Variants in CFAP92 observed in about 807,000 individuals in gnomAD.
CFAP92 encodes the protein cilia and flagella associated protein 92 (putative), also known as uncharacterized protein CFAP92.
A neutral mutation model predicts 106.3 loss-of-function variants in CFAP92; 86 were observed. The observed-to-expected ratio is 0.81, with a 90% confidence interval of 0.68 to 0.97. The LOEUF is 0.97. CFAP92 is among the 50% of genes least tolerant of loss of function. The pLI is 0.00. For missense variants in CFAP92, 1,204 were observed against 1,283.8 expected (o/e 0.94, Z 0.95); for synonymous variants, 477 against 506.4 (o/e 0.94, Z 0.78).
At position 128,915,476 on chromosome 3, in the gene CFAP92, G is replaced by T; in HGVS notation, c.3004C>A (p.Gln1002Lys). The T allele has an allele frequency of 6.5e-7, 1 of 1,536,082 alleles. No individual in the cohort carries two copies. ...AGCCAGGCCTGGCGGGATTTCTTCT[G>T]GGCTTTCTTCTCCTCTTCCTTCAAG... Reference protein sequence around the residue: ...LDLKEEEKKAQKKSRQAWLTA... With the variant: ...LDLKEEEKKAKKKSRQAWLTA... The change falls in exon 14 of 16, where the codon CAG becomes AAG. Residue 1002 changes from glutamine to lysine, a missense_variant. Transcript: ENST00000645291.
intron 7 of CFAP92, among the ~76,000 whole-genome samples, 172 bp from the exon 8 acceptor site, chr3:128,971,605 T>C (rs1942799649): frequency 6.6e-6 from 1 of 152,142 alleles, no homozygotes; most frequent in Admixed American, 6.5e-5. Flanking sequence ...TGGCTAAATA[T>C]AGATGGCAGG....
intron 1 of CFAP92, among the ~76,000 whole-genome samples, chr3:128,999,795 G>A (rs560259230): frequency 1.7e-4 from 26 of 151,972 alleles, no homozygotes; most frequent in African/African-American, 5.1e-4. Context: ...CACCCGCCTC[G>A]GCCTCCCAAA....
intron 15 of CFAP92, among the ~76,000 whole-genome samples, chr3:128,911,223 A>AT (rs1936272311): frequency 6.6e-6 from 1 of 151,762 alleles, no homozygotes; most frequent in African/African-American, 2.4e-5. Context: ...CGCCCGGCTA[A>AT]TTTTTTGTAT....
At chr3:129,003,942 G>A, upstream of CFAP92, 2 of 1,404,794 alleles carry the variant, frequency 1.4e-6, no homozygotes, top group Non-Finnish European at 1.8e-6. Context: ...GCCGAGGTGC[G>A]GCGGCGCGCG....
rs1002651953 is a variant in CFAP92, at chr3:128,915,177, G to T, written c.3222C>A (p.Tyr1074Ter). 2.0e-6 allele frequency: 3 copies of T among 1,536,056 alleles called. No homozygotes were observed. Among genetic ancestry groups the T allele is most frequent in the Non-Finnish European group, 2.6e-6 (3 of 1,146,940 alleles). ...GCTCGAGGAAAGGTGGTGGTTTCTT[G>T]TACAGATCAAAGTCCACGTGGTGCC... is the stretch of plus-strand genomic sequence containing the variant. ...WDRHHVDFDL[Y>*]KKPPPFLELL... Residue 1074 changes from tyrosine (Y) to a stop codon, truncating the protein, a stop_gained, in exon 15 of 16, where the codon TAC becomes TAA. Coordinates refer to ENST00000645291, the MANE Select transcript of CFAP92 (RefSeq NM_001394090.1). LOFTEE classifies it high-confidence loss of function.
the CFAP92 span, among the ~76,000 whole-genome samples, chr3:129,010,343 G>A: frequency 6.6e-6 from 1 of 152,204 alleles, no homozygotes; most frequent in African/African-American, 2.4e-5. The surrounding 1 kb of genome is among the most constrained non-coding windows in gnomAD (Gnocchi z 4.3). Context: ...GGACACCGGG[G>A]CAGGGCAGGC....
At position 128,987,789 on chromosome 3, in the gene CFAP92, G is replaced by A. The variant is rs779145213; in HGVS notation, c.494C>T (p.Ser165Leu). Reference sequence around the variant, plus strand: ...AGTGATATTAAAAGTCTGCTCCCACGACACCCAGGCTTTGTCACCTTCGTG... The same window carrying A: ...AGTGATATTAAAAGTCTGCTCCCACAACACCCAGGCTTTGTCACCTTCGTG... ...PWHEGDKAWV[S>L]WEQTFNITVT... Residue 165 changes from serine to leucine, a missense_variant, in exon 4 of 16, where the codon TCG becomes TTG. Ser to Leu is a moderately radical substitution (Grantham distance 145). Transcript: ENST00000645291. The A allele has an allele frequency of 3.0e-5, 48 of 1,613,000 alleles. No homozygotes were observed. The highest frequency in any genetic ancestry group is 3.8e-5 in the Non-Finnish European group (45 of 1,179,450).
intron 15 of CFAP92, chr3:128,913,149 CCAGCCTTTAATGGGTGA>C (rs1559841165): frequency 2.4e-6 from 1 of 425,156 alleles, no homozygotes; most frequent in Admixed American, 2.4e-5. Context: ...TTCCTTAGAA[CCAGCCTTTAATGGGTGA>C]CAGCAGGACC....
At chr3:129,003,827 G>T (rs1944922617), upstream of CFAP92, 1 of 1,466,332 alleles carries the variant, frequency 6.8e-7, no homozygotes, top group South Asian at 1.3e-5. Flanking sequence ...GAGCACCCAC[G>T]AGATGGGGCA....
At chr3:129,015,869 C>T in the CFAP92 span, among the ~76,000 whole-genome samples, 1 of 151,946 alleles carries the variant, frequency 6.6e-6, no homozygotes, top group African/African-American at 2.4e-5. Context: ...ACTCAGGAAA[C>T]GCCATGCAGC....
At chr3:128,977,296 C>T (rs1319368972) in intron 5 of CFAP92, among the ~76,000 whole-genome samples, 1 of 151,964 alleles carries the variant, frequency 6.6e-6, no homozygotes, top group African/African-American at 2.4e-5. Context: ...CATAACAGCC[C>T]ACAGAGAAAA....
chr3:128,965,420 G>T (rs770688768), intron 9 of CFAP92, 91 bp downstream of exon 9: 9 of 398,078 alleles, frequency 2.3e-5, no homozygotes, highest in Non-Finnish European at 4.0e-5. Flanking sequence ...TTTCTCATGT[G>T]GGGCCATCAG....
upstream of CFAP92, among the ~76,000 whole-genome samples, chr3:129,005,329 C>G (rs1465412818): frequency 6.6e-6 from 1 of 152,192 alleles, no homozygotes; most frequent in Admixed American, 6.5e-5. Context: ...AGAGAACATT[C>G]CATTCTAGAA....
intron 1 of CFAP92, chr3:129,002,424 G>A (rs2107847427): frequency 7.0e-7 from 1 of 1,418,746 alleles, no homozygotes; most frequent in Middle Eastern, 2.6e-4. Flanking sequence ...TCAGAGGAAG[G>A]GGAGACAGAG....
intron 9 of CFAP92, among the ~76,000 whole-genome samples, chr3:128,956,216 A>AAAAAAAAAAT (rs1941397040): frequency 1.3e-5 from 1 of 79,484 alleles, no homozygotes; most frequent in African/African-American, 1.6e-4. Flanking sequence ...ATAAAAAAAT[A>AAAAAAAAAAT]AAAAAAAAAA....
the CFAP92 span, among the ~76,000 whole-genome samples, chr3:129,017,867 C>T: frequency 6.6e-6 from 1 of 152,162 alleles, no homozygotes; most frequent in Non-Finnish European, 1.5e-5. Context: ...ATTCTGCCCA[C>T]CCCCGTGAGG....
chr3:128,977,618 G>C (rs992244958), intron 5 of CFAP92, among the ~76,000 whole-genome samples: 1 of 152,180 alleles, frequency 6.6e-6, no homozygotes, highest in Non-Finnish European at 1.5e-5. Context: ...TCAGCACTTT[G>C]GGGGCTGAGG....
chr3:128,914,848 C>A, intron 15 of CFAP92: 1 of 435,262 alleles, frequency 2.3e-6, no homozygotes. Flanking sequence ...TCCAACTTCC[C>A]CACTTTATAG....
chr3:129,023,238 T>C, the CFAP92 span, among the ~76,000 whole-genome samples: 2 of 152,088 alleles, frequency 1.3e-5, no homozygotes, highest in African/African-American at 4.8e-5. Flanking sequence ...TTTGATTTCT[T>C]CACATACTAA....
Sources: gnomAD v4.1 joint callset for allele counts (sites outside exome capture counted in the v4.1 genomes callset) on GRCh38, gnomAD v4.1.1 for gene constraint, Gnocchi (gnomAD v3.1) non-coding constraint, MANE v1.5 for transcripts, NCBI Gene and HGNC (gene_info 2026-07-23, HGNC 2026-07-21) for gene names.